The following NLRP5 variants were observed in gnomAD, a reference collection of about 807,000 sequenced individuals.
NLRP5 encodes the protein NLR family pyrin domain containing 5.
NLRP5 carries 93 observed loss-of-function variants against 113.1 expected under a neutral mutation model. The observed-to-expected ratio is 0.82, with a 90% confidence interval of 0.70 to 0.98. NLRP5 has a LOEUF of 0.98. Ranked by LOEUF, NLRP5 falls within the 50% of genes least tolerant of loss-of-function variation. NLRP5 has a pLI of 0.00. For synonymous variants in NLRP5, 751 were observed against 600.7 expected (o/e 1.25, Z -3.66); for missense variants, 1,808 against 1,514.3 (o/e 1.19, Z -3.22).
At chr19:56,060,047 G>T (rs1456930181) in intron 14 of NLRP5, among the ~76,000 whole-genome samples, 2 of 152,196 alleles carry the variant, frequency 1.3e-5, no homozygotes, top group African/African-American at 2.4e-5. Context: ...CAATGAATCT[G>T]GGAGTCTTGG....
intron 2 of NLRP5, among the ~76,000 whole-genome samples, chr19:56,006,183 C>T (rs1425490967): frequency 6.6e-6 from 1 of 152,006 alleles, no homozygotes. Context: ...GGACAGAAAA[C>T]CAAACACCGC....
At chr19:56,019,910 CA>C (rs1321086403) in intron 5 of NLRP5, among the ~76,000 whole-genome samples, 1 of 150,862 alleles carries the variant, frequency 6.6e-6, no homozygotes, top group Non-Finnish European at 1.5e-5. Context: ...GATCTCAGCT[CA>C]GTGCAACCTC....
At chr19:56,024,392 A>ACATATATT (rs1982736579) in intron 6 of NLRP5, among the ~76,000 whole-genome samples, 1 of 127,492 alleles carries the variant, frequency 7.8e-6, no homozygotes, top group Non-Finnish European at 1.7e-5. Context: ...TATAACATAT[A>ACATATATT]TACATATATG....
At chr19:56,034,030 A>G (rs886802278) in intron 9 of NLRP5, among the ~76,000 whole-genome samples, 1 of 152,232 alleles carries the variant, frequency 6.6e-6, no homozygotes, top group African/African-American at 2.4e-5. Flanking sequence ...TTGGCCTCCC[A>G]GAGCACTGGG....
chr19:56,050,415 C>G lies in NLRP5; in HGVS notation c.2958-3C>G, dbSNP rs764223651. ...TCTTCTTTCCCATGTGTGTGCCCCACAGGCTGAATCAGTGCCACCTGGACA... is the reference window on the plus strand; with the variant it reads ...TCTTCTTTCCCATGTGTGTGCCCCAGAGGCTGAATCAGTGCCACCTGGACA... On this transcript the variant is annotated splice_polypyrimidine_tract_variant and splice_region_variant and intron_variant, in intron 11 of 14. Coordinates refer to ENST00000390649, the MANE Select transcript of NLRP5 (RefSeq NM_153447.4). The G allele has an allele frequency of 2.5e-6, 4 of 1,612,756 alleles. No individual in the cohort carries two copies. The Admixed American group carries it at 5.0e-5, about 20-fold the overall frequency.
At chr19:56,057,997 C>T (rs957687305) in intron 13 of NLRP5, among the ~76,000 whole-genome samples, 6 of 146,778 alleles carry the variant, frequency 4.1e-5, no homozygotes, top group African/African-American at 1.5e-4. Context: ...TACTGCACTC[C>T]AGTCTGGGCA....
intron 1 of NLRP5, 57 bp from the exon 2 acceptor site, chr19:56,003,679 A>G (rs1238354395): frequency 3.2e-6 from 5 of 1,549,548 alleles, no homozygotes; most frequent in Non-Finnish European, 4.3e-6. Flanking sequence ...TGTTAGTTGT[A>G]TCTACTTGAG....
chr19:56,032,827 A>G (rs993064869), intron 8 of NLRP5, 46 bp downstream of exon 8: 3 of 1,547,768 alleles, frequency 1.9e-6, no homozygotes, highest in Non-Finnish European at 1.8e-6. Context: ...CCATGACGCT[A>G]TCCCAGCTCT....
chr19:56,019,214 C>T (rs1982522860), intron 4 of NLRP5, 128 bp from the exon 5 acceptor site: 1 of 1,029,658 alleles, frequency 9.7e-7, no homozygotes, highest in Non-Finnish European at 1.5e-6. Context: ...CTAGCTGAGA[C>T]AGTGGTTGCC....
intron 7 of NLRP5, among the ~76,000 whole-genome samples, chr19:56,030,572 G>A (rs974723563): frequency 1.4e-4 from 22 of 152,152 alleles, no homozygotes; most frequent in Admixed American, 4.6e-4. Flanking sequence ...CACAGCCTGG[G>A]CAATTTTCCT....
At chr19:56,019,991 T>C (rs989417603) in intron 5 of NLRP5, among the ~76,000 whole-genome samples, 11 of 151,918 alleles carry the variant, frequency 7.2e-5, no homozygotes, top group South Asian at 2.1e-4. Context: ...CACCTGCCAC[T>C]GTGCCCGACT....
chr19:56,038,704 C>T (rs1003024145), intron 10 of NLRP5, among the ~76,000 whole-genome samples: 4 of 152,104 alleles, frequency 2.6e-5, no homozygotes, highest in African/African-American at 9.7e-5. Context: ...TCTATGGAGA[C>T]GAGGGAGCCC....
intron 3 of NLRP5, among the ~76,000 whole-genome samples, chr19:56,013,682 AG>A (rs1982299978): frequency 1.6e-5 from 2 of 128,110 alleles, no homozygotes; most frequent in African/African-American, 6.0e-5. Context: ...TTTTTGATTC[AG>A]GGAGGCCTAT....
intron 3 of NLRP5, 21 bp downstream of exon 3, chr19:56,008,874 G>A: frequency 3.1e-6 from 5 of 1,606,868 alleles, no homozygotes; most frequent in South Asian, 2.2e-5. Flanking sequence ...TGGAGTTGGG[G>A]GAAATAGGAT....
intron 11 of NLRP5, among the ~76,000 whole-genome samples, chr19:56,046,501 T>C (rs1338208093): frequency 6.6e-6 from 1 of 151,738 alleles, no homozygotes; most frequent in Non-Finnish European, 1.5e-5. Flanking sequence ...GTTCCTTCTT[T>C]CTCTATCTTG....
At chr19:56,024,513 G>T (rs1288809828) in intron 6 of NLRP5, among the ~76,000 whole-genome samples, 1 of 92,536 alleles carries the variant, frequency 1.1e-5, no homozygotes, top group African/African-American at 4.4e-5. Context: ...ATATGTATAT[G>T]TGTATGTATA....
At chr19:56,061,265 C>T (rs1489739817) in intron 14 of NLRP5, 131 bp from the exon 15 acceptor site, 6 of 892,650 alleles carry the variant, frequency 6.7e-6, no homozygotes, top group Non-Finnish European at 9.8e-6. Context: ...ATTGGTTTAA[C>T]TCTTTGGGGC....
chr19:55,999,235 A>T (rs1599873577), upstream of NLRP5, among the ~76,000 whole-genome samples: 2 of 94,160 alleles, frequency 2.1e-5, no homozygotes, highest in East Asian at 2.9e-4. Flanking sequence ...TTTTTTGGAG[A>T]CAGAGTTTTG....
chr19:56,003,745 G>C lies in NLRP5; in HGVS notation c.92G>C (p.Cys31Ser), dbSNP rs1319051812. 6.2e-7 allele frequency: 1 copy of C among 1,612,092 alleles called. No individual in the cohort carries two copies. The highest frequency in any genetic ancestry group is 1.1e-5 in the South Asian group (1 of 90,790). The change falls in exon 2 of 15, where the codon TGC becomes TCC. Residue 31 changes from cysteine to serine, a missense_variant. By Grantham distance (112) the Cys-to-Ser change is moderately radical (BLOSUM62 -1). Coordinates refer to ENST00000390649, the MANE Select transcript of NLRP5 (RefSeq NM_153447.4). ...GTCACTCTTTCCACAGGTCCTACTTGCTCTATATTACCAAAGAATCCACTT... is the reference window on the plus strand; with the variant it reads ...GTCACTCTTTCCACAGGTCCTACTTCCTCTATATTACCAAAGAATCCACTT...
Sources: gnomAD v4.1 joint callset for allele counts (sites outside exome capture counted in the v4.1 genomes callset) on GRCh38, gnomAD v4.1.1 for gene constraint, MANE v1.5 for transcripts, NCBI Gene and HGNC (gene_info 2026-07-23, HGNC 2026-07-21) for gene names.